EIF4E3: variants seen among roughly 807,000 people sequenced by gnomAD.
EIF4E3 encodes eukaryotic translation initiation factor 4E type 3.
A neutral mutation model predicts 31.7 loss-of-function variants in EIF4E3; 26 were observed. The ratio of observed to expected loss-of-function variants is 0.82; its 90% CI spans 0.60 to 1.14. EIF4E3 has a LOEUF of 1.14. Ranked by LOEUF, EIF4E3 falls within the 50% of genes most tolerant of loss-of-function variation. The probability of loss-of-function intolerance (pLI) is 0.00; values close to 1 mark genes in which losing one functional copy is unlikely to be tolerated. For missense variants in EIF4E3, 304 were observed against 270.9 expected, an observed-to-expected ratio of 1.12 and a Z score of -0.86; for synonymous variants, 128 against 107.7, an observed-to-expected ratio of 1.19 and a Z score of -1.17.
chr3:71,690,230 G>T (rs2049047037), intron 5 of EIF4E3, 65 bp from the exon 6 acceptor site: 18 of 1,461,894 alleles, frequency 1.2e-5, no homozygotes, highest in Non-Finnish European at 1.6e-5. Context: ...CTGTTTCTAA[G>T]AACTTAGTCT....
rs2048942560 is a variant in EIF4E3, at chr3:71,683,048, T to G, written c.*1634A>C. ...AGGCTTTTGCTAACTGGATCTGATA[T>G]TCTTATACTTCATTTTGAAATCACT... On this transcript the variant is annotated 3_prime_UTR_variant, in exon 7 of 7. Transcript: ENST00000425534. 2 of 152,260 alleles carry G rather than the reference T, an allele frequency of 1.3e-5. No homozygotes were observed. Among genetic ancestry groups the G allele is most frequent in the South Asian group, 2.1e-4 (1 of 4,828 alleles). 9.4% of individuals were successfully genotyped at this position (152,260 alleles called of 1,614,324 possible).
intron 1 of EIF4E3, among the ~76,000 whole-genome samples, chr3:71,713,937 A>T (rs1031982260): frequency 9.2e-5 from 14 of 152,112 alleles, no homozygotes; most frequent in African/African-American, 3.4e-4. Context: ...TGGGCTGGGC[A>T]CAGTGGTTCA....
intron 2 of EIF4E3, among the ~76,000 whole-genome samples, chr3:71,705,153 ACACCACACACCATGGG>A (rs1244450207): frequency 6.6e-6 from 1 of 152,072 alleles, no homozygotes; most frequent in Non-Finnish European, 1.5e-5. Context: ...CTATTGCAGG[ACACCACACACCATGGG>A]CTGTCTTGCT....
chr3:71,665,463 T>C, the EIF4E3 span, among the ~76,000 whole-genome samples: 1 of 152,242 alleles, frequency 6.6e-6, no homozygotes, highest in Non-Finnish European at 1.5e-5. Flanking sequence ...GCCAGAGAAT[T>C]TCTACAACCA....
chr3:71,713,408 A>G (rs1210605717), intron 1 of EIF4E3, among the ~76,000 whole-genome samples: 1 of 152,162 alleles, frequency 6.6e-6, no homozygotes, highest in Non-Finnish European at 1.5e-5. Flanking sequence ...GTTTTCATCA[A>G]GTCCACCATT....
upstream of EIF4E3, chr3:71,754,740 G>A (rs995110872): frequency 7.1e-6 from 10 of 1,401,748 alleles, no homozygotes; most frequent in Admixed American, 2.2e-4. The surrounding 1 kb of genome is among the most constrained non-coding windows in gnomAD (Gnocchi z 5.8). Context: ...GACCTTCCAC[G>A]GCCCGGGCGC....
downstream of EIF4E3, among the ~76,000 whole-genome samples, chr3:71,670,443 C>T (rs560637376): frequency 1.9e-3 from 282 of 152,334 alleles, 3 homozygotes; most frequent in East Asian, 1.2e-3. Flanking sequence ...CCAGCCACGG[C>T]CCTCGTCTCA....
chr3:71,702,315 C>A (rs1366179800), intron 2 of EIF4E3, among the ~76,000 whole-genome samples: 1 of 152,122 alleles, frequency 6.6e-6, no homozygotes, highest in Non-Finnish European at 1.5e-5. Flanking sequence ...AAGAGGAAAA[C>A]CCCTGCCTAA....
At chr3:71,733,669 C>T (rs2108139272) in intron 1 of EIF4E3, among the ~76,000 whole-genome samples, 1 of 152,138 alleles carries the variant, frequency 6.6e-6, no homozygotes, top group African/African-American at 2.4e-5. Context: ...TTATAAAGTA[C>T]TGCTCATGTA....
chr3:71,739,372 A>C (rs2049797195), intron 1 of EIF4E3, among the ~76,000 whole-genome samples: 2 of 152,230 alleles, frequency 1.3e-5, no homozygotes, highest in African/African-American at 2.4e-5. Flanking sequence ...AAGAGCTGAA[A>C]GTATCCACTA....
At chr3:71,743,512 G>A (rs1315681789) in intron 1 of EIF4E3, among the ~76,000 whole-genome samples, 1 of 151,978 alleles carries the variant, frequency 6.6e-6, no homozygotes, top group East Asian at 1.9e-4. Context: ...CACCTTTTTT[G>A]TGTATAGGAG....
In EIF4E3 at chr3:71,699,617, A is replaced by G; in HGVS notation, c.341T>C (p.Leu114Pro). 2 of 1,613,590 alleles carry G rather than the reference A, an allele frequency of 1.2e-6. No homozygotes were observed. The highest frequency in any genetic ancestry group is 1.7e-6 in the Non-Finnish European group (2 of 1,179,844). Residue 114 changes from leucine to proline, a missense_variant, in exon 3 of 7, where the codon CTT becomes CCT. Coordinates refer to ENST00000425534, the MANE Select transcript of EIF4E3 (RefSeq NM_001134651.2). ...AAATTACACGTTAGACACTTACCAA[A>G]GTGGTCGCCTCTCTCCTCTCATTAA... ...YHLMRGERRP[L>P]WEEESNAKGG...
intron 1 of EIF4E3, among the ~76,000 whole-genome samples, chr3:71,719,668 G>T (rs2049516784): frequency 6.6e-6 from 1 of 152,218 alleles, no homozygotes; most frequent in African/African-American, 2.4e-5. Flanking sequence ...GACGTGACCA[G>T]GAAGAGTGGA....
At chr3:71,693,642 A>G (rs1003845155) in intron 5 of EIF4E3, among the ~76,000 whole-genome samples, 1 of 152,242 alleles carries the variant, frequency 6.6e-6, no homozygotes, top group Non-Finnish European at 1.5e-5. Flanking sequence ...ACATGAATAT[A>G]TACATACATA....
chr3:71,692,752 C>G (rs560622723), intron 5 of EIF4E3, among the ~76,000 whole-genome samples: 1 of 152,196 alleles, frequency 6.6e-6, no homozygotes, highest in African/African-American at 2.4e-5. Flanking sequence ...TGTCACTATG[C>G]CCAGCTAATT....
chr3:71,718,556 C>T (rs549581541), intron 1 of EIF4E3, among the ~76,000 whole-genome samples: 30 of 152,134 alleles, frequency 2.0e-4, no homozygotes, highest in African/African-American at 6.0e-4. Context: ...TAAGAGTTTA[C>T]GACAAAATTA....
At chr3:71,751,382 A>G (rs1032869712) in intron 1 of EIF4E3, among the ~76,000 whole-genome samples, 12 of 152,230 alleles carry the variant, frequency 7.9e-5, no homozygotes, top group Non-Finnish European at 7.3e-5. Flanking sequence ...GGCCATTACA[A>G]TGATTACATT....
intron 1 of EIF4E3, among the ~76,000 whole-genome samples, chr3:71,747,929 T>C (rs2049889894): frequency 6.6e-6 from 1 of 152,234 alleles, no homozygotes; most frequent in Admixed American, 6.5e-5. Context: ...CACATAAAGA[T>C]ATTCAGTTAT....
chr3:71,708,626 G>A (rs1174152772), intron 2 of EIF4E3, among the ~76,000 whole-genome samples: 3 of 152,166 alleles, frequency 2.0e-5, no homozygotes, highest in East Asian at 1.9e-4. Context: ...TCTGACTAGT[G>A]TCAGCCCCAG....
Sources: gnomAD v4.1 joint callset for allele counts (sites outside exome capture counted in the v4.1 genomes callset) on GRCh38, gnomAD v4.1.1 for gene constraint, Gnocchi (gnomAD v3.1) non-coding constraint, MANE v1.5 for transcripts, NCBI Gene and HGNC (gene_info 2026-07-23, HGNC 2026-07-21) for gene names.